SMARCAL1: variants seen among roughly 807,000 people sequenced by gnomAD.
The protein encoded by SMARCAL1 is ATP-driven annealing helicase.
Under a neutral mutation model 94.5 loss-of-function variants are expected in SMARCAL1, and 58 were observed. The ratio of observed to expected loss-of-function variants is 0.61; its 90% CI spans 0.50 to 0.76. The LOEUF (loss-of-function observed/expected upper bound fraction) is 0.76. Among genes scored for constraint, SMARCAL1 ranks in the 30% least tolerant of loss-of-function variants. The pLI, the probability that SMARCAL1 is intolerant of heterozygous loss-of-function variation, is 0.00. For synonymous variants in SMARCAL1, 422 were observed against 455.1 expected, an observed-to-expected ratio of 0.93 and a Z score of 0.93; for missense variants, 1,051 against 1,177.9, an observed-to-expected ratio of 0.89 and a Z score of 1.58.
intron 6 of SMARCAL1, among the ~76,000 whole-genome samples, chr2:216,425,986 T>C (rs1355551782): frequency 2.0e-5 from 3 of 152,202 alleles, no homozygotes; most frequent in African/African-American, 7.2e-5. Context: ...CCTCCTGCTG[T>C]TATCAGCTGG....
intron 10 of SMARCAL1, among the ~76,000 whole-genome samples, chr2:216,439,799 C>T (rs555436071): frequency 4.5e-4 from 68 of 152,250 alleles, no homozygotes; most frequent in Non-Finnish European, 8.5e-4. Flanking sequence ...TGGTGGCTCA[C>T]GCCTGTAATC....
Position 216,475,209 on chromosome 2 carries a change from G to A in SMARCAL1, c.2245-60G>A, listed in dbSNP as rs1695043939. Reference sequence around the variant, plus strand: ...CTGTGCTGGAGCTGTGGCTGGGTGTGGTTTGCTGAGAAGCCCCCGGGGCTG... The same window carrying A: ...CTGTGCTGGAGCTGTGGCTGGGTGTAGTTTGCTGAGAAGCCCCCGGGGCTG... On this transcript the variant is annotated intron_variant, in intron 14 of 17. Transcript: ENST00000357276. This position sits in a 1 kb window ranked among gnomAD's most constrained non-coding sequence, Gnocchi z 4.4. 1.9e-6 allele frequency: 3 copies of A among 1,575,106 alleles called. No individual in the cohort carries two copies. Among genetic ancestry groups the A allele is most frequent in the African/African-American group, 1.3e-5 (1 of 74,150 alleles).
At chr2:216,480,861 C>A (rs376587296) in intron 17 of SMARCAL1, among the ~76,000 whole-genome samples, 1 of 152,140 alleles carries the variant, frequency 6.6e-6, no homozygotes, top group Admixed American at 6.5e-5. Flanking sequence ...CCAAAAAAAT[C>A]TTTAAAGGAG....
intron 4 of SMARCAL1, among the ~76,000 whole-genome samples, chr2:216,417,754 G>A (rs1378502141): frequency 6.6e-6 from 1 of 152,106 alleles, no homozygotes; most frequent in Admixed American, 6.5e-5. Context: ...CCAAGGCTCT[G>A]GATAAAGATT....
At position 216,413,845 on chromosome 2, in the gene SMARCAL1, CCTT is replaced by C. The variant is rs1290376384; in HGVS notation, c.-95-5_-95-3del. ...GGCTATGGGAGGCTAATGCTTTTTTCCTTCTTCTAGGTTGGAAAAAGACTATGT... is the reference window on the plus strand; with the variant it reads ...GGCTATGGGAGGCTAATGCTTTTTTCCTTCTAGGTTGGAAAAAGACTATGT... On this transcript the variant is annotated splice_region_variant and splice_polypyrimidine_tract_variant and intron_variant, in intron 1 of 17. Transcript: ENST00000357276. 3.3e-5 allele frequency: 5 copies of C among 152,102 alleles called. No homozygotes were observed. Among genetic ancestry groups the C allele is most frequent in the African/African-American group, 1.2e-4 (5 of 41,398 alleles). 9.4% of individuals were successfully genotyped at this position (152,102 alleles called of 1,614,324 possible). A position where few individuals can be genotyped will look rare whatever the true frequency, so the allele number is the denominator to read the frequency against.
intron 6 of SMARCAL1, among the ~76,000 whole-genome samples, chr2:216,424,695 G>A (rs1004322642): frequency 1.3e-5 from 2 of 152,182 alleles, no homozygotes; most frequent in Non-Finnish European, 2.9e-5. Context: ...AAAAGCGGTG[G>A]TCTTTAATCT....
At chr2:216,423,496 G>A (rs894862080) in intron 5 of SMARCAL1, 137 bp from the exon 6 acceptor site, 1 of 754,168 alleles carries the variant, frequency 1.3e-6, no homozygotes, top group South Asian at 1.4e-5. Flanking sequence ...TGTATCCGCA[G>A]TGCTAGGTAC....
At position 216,450,925 on chromosome 2, in the gene SMARCAL1, G is replaced by A. The variant is rs140515579; in HGVS notation, c.1931G>A (p.Arg644Gln). The change falls in exon 12 of 18, where the codon CGG becomes CAG. Residue 644 changes from arginine to glutamine, a missense_variant. Around this residue, in one of 3 missense-constraint regions of SMARCAL1, gnomAD observed 642 missense variants for 754.7 expected, o/e 0.85. Coordinates refer to ENST00000357276, the MANE Select transcript of SMARCAL1 (RefSeq NM_014140.4). ...KLLLEEAVMLRRLKSDVLSQL... is the reference protein window; with the variant it reads ...KLLLEEAVMLQRLKSDVLSQL... ...CTGCTGGAGGAAGCAGTCATGCTGC[G>A]GCGCCTCAAGTCCGACGTCCTTTCC... 7 of 1,614,088 alleles carry A rather than the reference G, an allele frequency of 4.3e-6. No homozygotes were observed. The highest frequency in any genetic ancestry group is 2.7e-5 in the African/African-American group (2 of 74,926).
At position 216,435,516 on chromosome 2, in the gene SMARCAL1, C is replaced by A. The variant is rs774153257; in HGVS notation, c.1644+20C>A. On this transcript the variant is annotated intron_variant, in intron 9 of 17. Coordinates refer to ENST00000357276, the MANE Select transcript of SMARCAL1 (RefSeq NM_014140.4). ...ATCATTGTAAGAAACTTGGCAAAGT[C>A]TTTAAGTACTTTATCTCTCTGGAAA... is the stretch of plus-strand genomic sequence containing the variant. 6.2e-7 allele frequency: 1 copy of A among 1,604,324 alleles called. No homozygotes were observed. Among genetic ancestry groups the A allele is most frequent in the Non-Finnish European group, 8.5e-7 (1 of 1,171,304 alleles).
intron 17 of SMARCAL1, among the ~76,000 whole-genome samples, chr2:216,480,551 G>A (rs1695173895): frequency 6.6e-6 from 1 of 152,162 alleles, no homozygotes; most frequent in Non-Finnish European, 1.5e-5. Flanking sequence ...GAGGACATGT[G>A]GGTTATTTGG....
intron 12 of SMARCAL1, among the ~76,000 whole-genome samples, chr2:216,460,132 T>G (rs1346658078): frequency 6.6e-6 from 1 of 152,050 alleles, no homozygotes; most frequent in Non-Finnish European, 1.5e-5. Context: ...AAAACCACAA[T>G]GAGATACCAT....
Position 216,414,897 on chromosome 2 carries a change from G to A in SMARCAL1, c.193G>A (p.Val65Met), listed in dbSNP as rs759402336. ...QNFPRESCKPVSHGVIFKQQN... is the reference protein window; with the variant it reads ...QNFPRESCKPMSHGVIFKQQN... ...TTTCCCAAGGGAGTCTTGTAAGCCA[G>A]TGAGCCATGGTGTCATTTTCAAGCA... is the stretch of plus-strand genomic sequence containing the variant. The change falls in exon 3 of 18, where the codon GTG becomes ATG. Residue 65 changes from valine to methionine, a missense_variant. Physicochemically the swap from Val to Met is conservative, Grantham distance 21. Coordinates refer to ENST00000357276, the MANE Select transcript of SMARCAL1 (RefSeq NM_014140.4). The A allele has an allele frequency of 3.1e-6, 5 of 1,614,244 alleles. No homozygotes were observed. In the Admixed American group the frequency reaches 8.3e-5, roughly 27 times the overall value.
intron 11 of SMARCAL1, 32 bp downstream of exon 11, chr2:216,447,190 C>CCCCA: frequency 6.2e-7 from 1 of 1,612,084 alleles, no homozygotes; most frequent in Non-Finnish European, 8.5e-7. Flanking sequence ...CCAGCCCACC[C>CCCCA]ATTTCTCACC....
intron 5 of SMARCAL1, 100 bp from the exon 6 acceptor site, chr2:216,423,533 T>G: frequency 2.0e-6 from 2 of 996,694 alleles, no homozygotes; most frequent in Non-Finnish European, 3.2e-6. Context: ...TTGTCTAAGC[T>G]GAATGGAAGT....
chr2:216,439,698 G>A (rs1464384223), intron 10 of SMARCAL1, among the ~76,000 whole-genome samples: 1 of 152,168 alleles, frequency 6.6e-6, no homozygotes, highest in East Asian at 1.9e-4. Context: ...TAGGAATAAC[G>A]GAATATGATA....
rs60422006 is a variant in SMARCAL1 at position 216,440,049 on chromosome 2, G to GA, written c.1710+1579dup. ...AGAGTGAGACTCTGTCTCAAAAAAA[G>GA]AAAAAAAAAAAAAAAGCTTGATTCT... On this transcript the variant is annotated intron_variant, in intron 10 of 17. Transcript: ENST00000357276. Among the ~76,000 whole-genome samples, 95 of 122,170 alleles carry GA rather than the reference G, an allele frequency of 7.8e-4. 1 individual carries two copies. Among genetic ancestry groups the GA allele is most frequent in the Admixed American group, 1.4e-3 (17 of 12,110 alleles). The allele number at this position is 122,170 out of a possible 152,430, so 80.1% of individuals were successfully genotyped here.
At chr2:216,423,795 TGCTTG>T in intron 6 of SMARCAL1, 112 bp downstream of exon 6, 6 of 953,844 alleles carry the variant, frequency 6.3e-6, no homozygotes, top group Non-Finnish European at 1.0e-5. Flanking sequence ...TGTGGTGGGA[TGCTTG>T]AGTACAGGGT....
rs759440673 is a variant in SMARCAL1 at position 216,482,542 on chromosome 2, T to C, written c.2626-196T>C. Among the ~76,000 whole-genome samples the C allele has an allele frequency of 1.3e-4, 20 of 152,256 alleles. No individual in the cohort carries two copies. The highest frequency in any genetic ancestry group is 2.5e-4 in the Non-Finnish European group (17 of 68,008). On this transcript the variant is annotated intron_variant, in intron 17 of 17. Coordinates refer to ENST00000357276, the MANE Select transcript of SMARCAL1 (RefSeq NM_014140.4). This position sits in a 1 kb window ranked among gnomAD's most constrained non-coding sequence, Gnocchi z 4.3. ...CTCAATGAGCACAGAGAGGGTAAGA[T>C]GTCAGACACTAAAACAGTGAGGCTG...
At chr2:216,446,739 G>T in intron 10 of SMARCAL1, 1 of 589,628 alleles carries the variant, frequency 1.7e-6, no homozygotes, top group South Asian at 1.5e-5. Flanking sequence ...CCCAGTCCTT[G>T]ATCTCAAGAG....
Sources: allele counts gnomAD v4.1 joint callset (sites outside exome capture counted in the v4.1 genomes callset), GRCh38; gene constraint gnomAD v4.1.1; regional missense constraint gnomAD v4.1.1; non-coding constraint Gnocchi (gnomAD v3.1); transcripts MANE v1.5; gene names NCBI Gene and HGNC (gene_info 2026-07-23, HGNC 2026-07-21).